Variants in ANKFN1 observed in about 807,000 individuals in gnomAD.
The protein encoded by ANKFN1 is ankyrin repeat and fibronectin type-III domain-containing protein 1.
A neutral mutation model predicts 108.7 loss-of-function variants in ANKFN1; 74 were observed. The observed-to-expected ratio is 0.68, with a 90% CI of 0.56 to 0.83. The LOEUF is 0.83. ANKFN1 is among the 40% of genes least tolerant of loss of function. The pLI is 0.00. For synonymous variants in ANKFN1, 547 were observed against 516.2 expected (o/e 1.06, Z -0.81); for missense variants, 1,505 against 1,382.3 (o/e 1.09, Z -1.41).
chr17:56,516,843 A>G lies in ANKFN1; in HGVS notation c.*5574A>G, dbSNP rs1227944230. ...GAGGGAATGACTTTATTTCATAAGC[A>G]TTAATTATACTTTATGTCTTACCTA... On this transcript the variant is annotated 3_prime_UTR_variant, in exon 21 of 21. Coordinates refer to ENST00000682825, the MANE Select transcript of ANKFN1 (RefSeq NM_001370326.1). Among the ~76,000 whole-genome samples, 1 of 152,250 alleles carries G rather than the reference A, an allele frequency of 6.6e-6. No individual in the cohort carries two copies. Among genetic ancestry groups the G allele is most frequent in the East Asian group, 1.9e-4 (1 of 5,202 alleles).
chr17:56,093,077 C>T (rs774677671), intron 4 of ANKFN1, among the ~76,000 whole-genome samples: 8 of 151,136 alleles, frequency 5.3e-5, no homozygotes, highest in Admixed American at 3.3e-4. Context: ...ATCCTTTATG[C>T]CAGGCAGCAT....
intron 2 of ANKFN1, among the ~76,000 whole-genome samples, 155 bp from the exon 3 acceptor site, chr17:56,227,762 C>T (rs1467138112): frequency 6.6e-6 from 1 of 151,818 alleles, no homozygotes; most frequent in Non-Finnish European, 1.5e-5. Context: ...TCCTGTATCC[C>T]CAAGAAAAGT....
chr17:56,321,304 A>G (rs1467479434), intron 3 of ANKFN1, among the ~76,000 whole-genome samples: 1 of 152,098 alleles, frequency 6.6e-6, no homozygotes, highest in Non-Finnish European at 1.5e-5. Context: ...TATTTTTAAA[A>G]AAAGAATCGG....
rs539789804 is a variant in ANKFN1, at chr17:56,369,579, A to T, written c.602-3067A>T. 4.4e-4 allele frequency among the ~76,000 whole-genome samples: 67 copies of T among 152,230 alleles called. 1 individual carries two copies. Among genetic ancestry groups the T allele is most frequent in the Non-Finnish European group, 6.8e-4 (46 of 68,046 alleles). On this transcript the variant is annotated intron_variant, in intron 6 of 20. Transcript: ENST00000682825. ...TCATATTTACTTGCTTCTGCTTAAA[A>T]TATATTAACCCAGTTTGTTAGGTTG...
At chr17:56,380,595 T>C (rs2047068617) in intron 8 of ANKFN1, among the ~76,000 whole-genome samples, 1 of 152,222 alleles carries the variant, frequency 6.6e-6, no homozygotes, top group Non-Finnish European at 1.5e-5. Context: ...TACTGTGCTT[T>C]TCCGACAGGC....
intron 19 of ANKFN1, among the ~76,000 whole-genome samples, chr17:56,498,210 A>G (rs1163331050): frequency 6.6e-6 from 1 of 152,124 alleles, no homozygotes; most frequent in African/African-American, 2.4e-5. Flanking sequence ...CCCTTACTCT[A>G]TATGTAAGAA....
chr17:56,196,812 G>C (rs1913557357), intron 1 of ANKFN1, among the ~76,000 whole-genome samples: 1 of 152,208 alleles, frequency 6.6e-6, no homozygotes, highest in Admixed American at 6.6e-5. Flanking sequence ...TGCCATAGCT[G>C]TTCTGGTGCC....
chr17:56,202,750 T>G (rs8078063), intron 1 of ANKFN1, among the ~76,000 whole-genome samples: 25,140 of 151,978 alleles, frequency 0.17, 3,362 homozygotes, highest in African/African-American at 0.37. Context: ...TAATAGGGGG[T>G]AGATACCATG....
chr17:56,061,598 G>C (rs1463120154), intron 4 of ANKFN1, among the ~76,000 whole-genome samples: 1 of 152,116 alleles, frequency 6.6e-6, no homozygotes, highest in African/African-American at 2.4e-5. Context: ...TATGGGGTCA[G>C]TGGTGACATC....
chr17:56,268,274 A>C (rs1331752971), intron 3 of ANKFN1, among the ~76,000 whole-genome samples: 2 of 152,172 alleles, frequency 1.3e-5, no homozygotes, highest in East Asian at 3.8e-4. Context: ...TCAATACCAA[A>C]ATATCTCAAA....
At chr17:56,418,471 G>T (rs951078696) in intron 8 of ANKFN1, among the ~76,000 whole-genome samples, 17 of 152,134 alleles carry the variant, frequency 1.1e-4, no homozygotes, top group African/African-American at 4.1e-4. Flanking sequence ...AAATGAAAAT[G>T]TTCAAGTCGA....
At chr17:56,173,634 T>C (rs1038979387) in intron 1 of ANKFN1, among the ~76,000 whole-genome samples, 18 of 152,158 alleles carry the variant, frequency 1.2e-4, no homozygotes, top group African/African-American at 4.3e-4. Context: ...TTTTTTATTT[T>C]CTTTTTTTGT....
In ANKFN1 at chr17:56,507,490, T is replaced by C. The variant is rs2051607237; in HGVS notation, c.2645-2983T>C. On this transcript the variant is annotated intron_variant, in intron 20 of 20. Transcript: ENST00000682825. The stretch of plus-strand genomic sequence containing the variant: ...ACCTCACCACTCATATATTCAACCA[T>C]TCTCTCTCCAATAGTTTCTTCTTCT... Among the ~76,000 whole-genome samples, 3 of 152,198 alleles carry C rather than the reference T, an allele frequency of 2.0e-5. No homozygotes were observed. The South Asian group carries it at 6.2e-4, about 32-fold the overall frequency.
At chr17:56,328,930 C>T (rs116365445) in intron 4 of ANKFN1, among the ~76,000 whole-genome samples, 13 of 151,978 alleles carry the variant, frequency 8.6e-5, no homozygotes, top group Non-Finnish European at 1.8e-4. Flanking sequence ...TGAATCTGTC[C>T]AGCCCACCCC....
Position 56,511,098 on chromosome 17 carries a change from C to G in ANKFN1, c.3270C>G (p.Leu1090=), listed in dbSNP as rs1484100451. The G allele has an allele frequency of 2.0e-6, 3 of 1,535,908 alleles. No individual in the cohort carries two copies. Among genetic ancestry groups the G allele is most frequent in the South Asian group, 2.4e-5 (2 of 84,058 alleles). ...LQDARPSVRR[L]YVEPYAAAVV... ...ACGCGAGGCCTTCCGTCCGCCGCCT[C>G]TACGTGGAGCCCTACGCAGCGGCCG... is the stretch of plus-strand genomic sequence containing the variant. Residue 1090 remains leucine (L), a synonymous_variant, in exon 21 of 21, where the codon CTC becomes CTG. Transcript: ENST00000682825.
chr17:56,047,288 T>C (rs909293486), intron 4 of ANKFN1, among the ~76,000 whole-genome samples: 1 of 151,880 alleles, frequency 6.6e-6, no homozygotes, highest in African/African-American at 2.4e-5. Flanking sequence ...TCTCAGCATG[T>C]CATGCTGAAT....
At chr17:56,301,777 C>T (rs562195253) in intron 3 of ANKFN1, among the ~76,000 whole-genome samples, 30 of 152,250 alleles carry the variant, frequency 2.0e-4, no homozygotes, top group South Asian at 1.5e-3. Flanking sequence ...ACATGAACAC[C>T]GAACCAGGGT....
At chr17:56,332,750 T>C (rs936965178) in intron 4 of ANKFN1, among the ~76,000 whole-genome samples, 2 of 152,232 alleles carry the variant, frequency 1.3e-5, no homozygotes, top group South Asian at 2.1e-4. Flanking sequence ...TGAAATCACA[T>C]AGTGTAAGTC....
chr17:56,327,918 G>A (rs1210425855), intron 4 of ANKFN1, among the ~76,000 whole-genome samples: 2 of 152,154 alleles, frequency 1.3e-5, no homozygotes, highest in Non-Finnish European at 2.9e-5. Context: ...ACACAGATGA[G>A]GGTTTATGTG....
Sources: gnomAD v4.1 joint callset for allele counts (sites outside exome capture counted in the v4.1 genomes callset) on GRCh38, gnomAD v4.1.1 for gene constraint, MANE v1.5 for transcripts, NCBI Gene and HGNC (gene_info 2026-07-23, HGNC 2026-07-21) for gene names.